Variants in SLC41A1 observed in about 807,000 individuals in gnomAD.
The protein encoded by SLC41A1 is solute carrier family 41 (magnesium transporter), member 1.
A neutral mutation model predicts 47.3 loss-of-function variants in SLC41A1; 20 were observed. The ratio of observed to expected loss-of-function variants is 0.42; its 90% CI spans 0.30 to 0.61. The LOEUF is 0.61. SLC41A1 is among the 20% of genes least tolerant of loss of function. SLC41A1 has a pLI of 0.17. For missense variants in SLC41A1, 504 were observed against 674.1 expected (o/e 0.75, Z 2.79); for synonymous variants, 282 against 272.7 (o/e 1.03, Z -0.34).
At position 205,791,664 on chromosome 1, in the gene SLC41A1, C is replaced by T. The variant is rs753279356; in HGVS notation, c.1411G>A (p.Gly471Ser). 3 of 1,613,848 alleles carry T rather than the reference C, an allele frequency of 1.9e-6. No individual in the cohort carries two copies. The African/African-American group carries it at 4.0e-5, about 22-fold the overall frequency. ...DWMVHWMWGR[G>S]LDPDNFSIPY... ...ATGGAGAAGTTGTCCGGGTCCAGGC[C>T]CCGGCCCCACATCCAGTGCACCATC... is the stretch of plus-strand genomic sequence containing the variant. The change falls in exon 11 of 11, where the codon GGC becomes AGC. Residue 471 changes from glycine to serine, a missense_variant. Gly to Ser is a moderately conservative substitution (Grantham distance 56). Transcript: ENST00000367137. This position sits in a 1 kb window ranked among gnomAD's most constrained non-coding sequence, Gnocchi z 4.0.
chr1:205,804,970 G>A (rs1490488575), intron 2 of SLC41A1, among the ~76,000 whole-genome samples: 2 of 152,100 alleles, frequency 1.3e-5, no homozygotes, highest in African/African-American at 4.8e-5. Context: ...ATAAAGCTCA[G>A]CTAAGTTCCT....
intron 8 of SLC41A1, 116 bp downstream of exon 8, chr1:205,796,808 T>A: frequency 2.0e-6 from 2 of 1,012,698 alleles, no homozygotes; most frequent in East Asian, 5.2e-5. Context: ...CCATCTGAGC[T>A]AGATTCTCGT....
At chr1:205,801,248 C>T in intron 2 of SLC41A1, 188 bp from the exon 3 acceptor site, 1 of 575,650 alleles carries the variant, frequency 1.7e-6, no homozygotes, top group Non-Finnish European at 3.2e-6. Flanking sequence ...AACACAACCC[C>T]CCTTCCTGCC....
intron 8 of SLC41A1, chr1:205,796,492 C>A: frequency 4.2e-6 from 1 of 239,534 alleles, no homozygotes; most frequent in Non-Finnish European, 8.3e-6. Flanking sequence ...TTGCACATGC[C>A]CAGTTTTCCT....
Position 205,795,453 on chromosome 1 carries a change from C to T in SLC41A1, c.1098G>A (p.Val366=). 2 of 1,614,178 alleles carry T rather than the reference C, an allele frequency of 1.2e-6. No homozygotes were observed. Among genetic ancestry groups the T allele is most frequent in the East Asian group, 2.2e-5 (1 of 44,884 alleles). ...GGAAGGTGGAGATGCGGCTGGCCTG[C>T]ACTGCCACCAGATTGCCCCCAACAC... The part of the protein sequence containing the change: ...INGVGGNLVA[V]QASRISTFLH... Residue 366 remains valine (V), a synonymous_variant, in exon 9 of 11, where the codon GTG becomes GTA. Coordinates refer to ENST00000367137, the MANE Select transcript of SLC41A1 (RefSeq NM_173854.6).
At chr1:205,798,187 G>A in intron 6 of SLC41A1, 136 bp from the exon 7 acceptor site, 3 of 1,327,392 alleles carry the variant, frequency 2.3e-6, no homozygotes, top group Non-Finnish European at 3.2e-6. Flanking sequence ...TATCCCATTT[G>A]ATCTTCACTG....
chr1:205,799,713 A>AC (rs748238519), intron 4 of SLC41A1, 46 bp downstream of exon 4: 1 of 1,598,646 alleles, frequency 6.3e-7, no homozygotes, highest in East Asian at 2.2e-5. Context: ...GAGATTCCTG[A>AC]CTAAGGGGAA....
At position 205,790,096 on chromosome 1, in the gene SLC41A1, A is replaced by G. The variant is rs898585224; in HGVS notation, c.*1437T>C. 1 of 152,298 alleles carries G rather than the reference A, an allele frequency of 6.6e-6. No individual in the cohort carries two copies. Among genetic ancestry groups the G allele is most frequent in the Non-Finnish European group, 1.5e-5 (1 of 68,138 alleles). 9.4% of individuals were successfully genotyped at this position (152,298 alleles called of 1,614,324 possible). On this transcript the variant is annotated 3_prime_UTR_variant, in exon 11 of 11. Transcript: ENST00000367137. ...GGAAGGGTCGTTTAGGGAAATAAAT[A>G]CTGGTTGAGCAATGGGGCGGTGGCT...
intron 7 of SLC41A1, 54 bp downstream of exon 7, chr1:205,797,849 AG>A: frequency 1.9e-6 from 3 of 1,611,708 alleles, no homozygotes; most frequent in Non-Finnish European, 2.5e-6. Context: ...TTTAAAAAGA[AG>A]TCTGTGGAAG....
At chr1:205,804,552 C>G (rs1655970119) in intron 2 of SLC41A1, among the ~76,000 whole-genome samples, 2 of 152,144 alleles carry the variant, frequency 1.3e-5, no homozygotes, top group African/African-American at 4.8e-5. Context: ...CAGTGAGCCC[C>G]ATCTGCCCTG....
intron 2 of SLC41A1, among the ~76,000 whole-genome samples, chr1:205,803,203 T>C (rs188455379): frequency 8.6e-4 from 131 of 151,978 alleles, no homozygotes; most frequent in African/African-American, 3.0e-3. Context: ...ATTGGAACCC[T>C]TGTGCACTCT....
intron 8 of SLC41A1, 187 bp from the exon 9 acceptor site, chr1:205,795,665 A>G: frequency 1.4e-6 from 1 of 711,226 alleles, no homozygotes. Context: ...AGGAAGACAA[A>G]GACCCCTGCT....
At chr1:205,807,136 C>T (rs1364770421) in intron 2 of SLC41A1, among the ~76,000 whole-genome samples, 2 of 152,076 alleles carry the variant, frequency 1.3e-5, no homozygotes, top group Non-Finnish European at 2.9e-5. Context: ...TAGAAACCAT[C>T]CCGCTCTTCC....
In SLC41A1 at chr1:205,789,734, G is replaced by A. The variant is rs975287421; in HGVS notation, c.*1799C>T. The stretch of plus-strand genomic sequence containing the variant: ...CCTGGAGGTCTGGGTAGAAATGGAG[G>A]GAGAGAAAATATGGTCTCTGGAGGT... On this transcript the variant is annotated 3_prime_UTR_variant, in exon 11 of 11. Transcript: ENST00000367137. The A allele has an allele frequency of 1.3e-5, 2 of 152,324 alleles. No individual in the cohort carries two copies. The highest frequency in any genetic ancestry group is 3.9e-4 in the East Asian group (2 of 5,182). 9.4% of individuals were successfully genotyped at this position (152,324 alleles called of 1,614,324 possible).
In SLC41A1 at chr1:205,791,424, T is replaced by C. The variant is rs1655623626; in HGVS notation, c.*109A>G. ...AAATAATGAGAATTTGGTATCAAAG[T>C]GAAGTCCTAGAAAGAGGTGGGAGTG... On this transcript the variant is annotated 3_prime_UTR_variant, in exon 11 of 11. Coordinates refer to ENST00000367137, the MANE Select transcript of SLC41A1 (RefSeq NM_173854.6). The surrounding 1 kb of genome is among the most constrained non-coding windows in gnomAD (Gnocchi z 4.0). 1 of 1,304,680 alleles carries C rather than the reference T, an allele frequency of 7.7e-7. No homozygotes were observed. Among genetic ancestry groups the C allele is most frequent in the South Asian group, 1.2e-5 (1 of 80,130 alleles). The allele number at this position is 1,304,680 out of a possible 1,614,324, so 80.8% of individuals were successfully genotyped here. A position where few individuals can be genotyped will look rare whatever the true frequency, so the allele number is the denominator to read the frequency against.
intron 2 of SLC41A1, among the ~76,000 whole-genome samples, chr1:205,807,648 G>GTTTTTTTTTTTTTT (rs1170069554): frequency 3.0e-5 from 3 of 100,124 alleles, no homozygotes; most frequent in African/African-American, 6.7e-5. Flanking sequence ...TCCTCGTAGA[G>GTTTTTTTTTTTTTT]TCTTTTTTTT....
intron 2 of SLC41A1, among the ~76,000 whole-genome samples, chr1:205,801,728 T>C (rs558885420): frequency 1.2e-3 from 178 of 152,322 alleles, no homozygotes; most frequent in African/African-American, 4.0e-3. Flanking sequence ...TGTACTCCTG[T>C]AGGAAGAGCC....
Position 205,798,851 on chromosome 1 carries a change from A to G in SLC41A1, c.698-36T>C, listed in dbSNP as rs1199227842. 6.2e-6 allele frequency: 10 copies of G among 1,614,194 alleles called. No homozygotes were observed. The South Asian group carries it at 9.9e-5, about 16-fold the overall frequency. The stretch of plus-strand genomic sequence containing the variant: ...AGTGGGAGGAGGGGCAGGCAGGGTG[A>G]GAAGAGATAAAGGAGTCTCAACAAA... On this transcript the variant is annotated intron_variant, in intron 5 of 10. Transcript: ENST00000367137.
intron 2 of SLC41A1, among the ~76,000 whole-genome samples, chr1:205,807,351 G>A (rs554648567): frequency 1.3e-5 from 2 of 152,270 alleles, no homozygotes; most frequent in South Asian, 4.1e-4. Flanking sequence ...CACACCAAGT[G>A]GACCCTAGCT....
Sources: allele counts gnomAD v4.1 joint callset (sites outside exome capture counted in the v4.1 genomes callset), GRCh38; gene constraint gnomAD v4.1.1; non-coding constraint Gnocchi (gnomAD v3.1); transcripts MANE v1.5; gene names NCBI Gene and HGNC (gene_info 2026-07-23, HGNC 2026-07-21).